SPAG16: variants seen among roughly 807,000 people sequenced by gnomAD.
The protein encoded by SPAG16 is sperm associated antigen 16, also known as sperm-associated antigen 16 protein.
SPAG16 carries 86 observed loss-of-function variants against 80.4 expected under a neutral mutation model. That is an observed-to-expected ratio of 1.07 (90% CI 0.90 to 1.28). The LOEUF (loss-of-function observed/expected upper bound fraction) is 1.28. Ranked by LOEUF, SPAG16 falls within the 50% of genes most tolerant of loss-of-function variation. The pLI, the probability that SPAG16 is intolerant of heterozygous loss-of-function variation, is 0.00. For missense variants in SPAG16, 870 were observed against 765.3 expected (o/e 1.14, Z -1.61); for synonymous variants, 294 against 265.9 (o/e 1.11, Z -1.03).
At chr2:213,684,845 C>T (rs575185676) in intron 10 of SPAG16, among the ~76,000 whole-genome samples, 246 of 152,258 alleles carry the variant, frequency 1.6e-3, no homozygotes, top group African/African-American at 5.6e-3. Flanking sequence ...CATTATGTAT[C>T]CTCACGGATT....
chr2:214,108,237 C>A lies in SPAG16; in HGVS notation c.1569C>A (p.Ile523=), dbSNP rs754199757. Residue 523 remains isoleucine (I), a synonymous_variant, in exon 14 of 16, where the codon ATC becomes ATA. Transcript: ENST00000331683. ...CACTTTATGGTCACATGCATTCTAT[C>A]AATGATGCCATTTTTGATCCCAGGG... is the stretch of plus-strand genomic sequence containing the variant. ...EQSLYGHMHS[I]NDAIFDPRGH... 1.2e-6 allele frequency: 2 copies of A among 1,601,466 alleles called. No individual in the cohort carries two copies. Among genetic ancestry groups the A allele is most frequent in the Admixed American group, 1.7e-5 (1 of 59,760 alleles).
Position 213,831,581 on chromosome 2 carries a change from C to A in SPAG16, c.1071-30904C>A, listed in dbSNP as rs557198057. ...TTTGTTTGCTTGTTTGTATTCAGCT[C>A]AGGAAAATTTTCTTCATTTGTGTCA... is the stretch of plus-strand genomic sequence containing the variant. On this transcript the variant is annotated intron_variant, in intron 10 of 15. Transcript: ENST00000331683. 2.0e-5 allele frequency among the ~76,000 whole-genome samples: 3 copies of A among 152,062 alleles called. No homozygotes were observed. In the East Asian group the frequency reaches 5.8e-4, roughly 29 times the overall value.
chr2:214,194,966 C>T (rs535851362), intron 15 of SPAG16, among the ~76,000 whole-genome samples: 16 of 152,060 alleles, frequency 1.1e-4, no homozygotes, highest in South Asian at 4.2e-4. Flanking sequence ...TAAAACATAG[C>T]GTGGCCCTCA....
intron 14 of SPAG16, among the ~76,000 whole-genome samples, chr2:214,142,815 C>T (rs552602244): frequency 3.3e-5 from 5 of 152,090 alleles, no homozygotes; most frequent in Admixed American, 6.6e-5. Flanking sequence ...AAATCTTACC[C>T]CAGCCATGGT....
intron 10 of SPAG16, among the ~76,000 whole-genome samples, chr2:213,552,948 G>T (rs542696077): frequency 6.6e-6 from 1 of 152,272 alleles, no homozygotes; most frequent in South Asian, 2.1e-4. Context: ...CCAGTGGTTT[G>T]CCAGGGGCTC....
chr2:214,220,718 A>C (rs976376137), intron 15 of SPAG16, among the ~76,000 whole-genome samples: 1 of 152,044 alleles, frequency 6.6e-6, no homozygotes, highest in Non-Finnish European at 1.5e-5. Flanking sequence ...GAAATAATAA[A>C]CCCCCAACAA....
chr2:214,144,299 G>C (rs2055519385), intron 14 of SPAG16, among the ~76,000 whole-genome samples: 1 of 147,884 alleles, frequency 6.8e-6, no homozygotes, highest in East Asian at 1.9e-4. Context: ...AGTATTAAAG[G>C]ATTATAAAAA....
chr2:214,338,429 T>C (rs1356146024), intron 15 of SPAG16, among the ~76,000 whole-genome samples: 1 of 151,970 alleles, frequency 6.6e-6, no homozygotes, highest in Non-Finnish European at 1.5e-5. Context: ...CAAAGAATCA[T>C]TTGAACCTGA....
intron 9 of SPAG16, among the ~76,000 whole-genome samples, chr2:213,486,942 C>T (rs1416615442): frequency 3.9e-5 from 6 of 152,064 alleles, no homozygotes; most frequent in African/African-American, 9.7e-5. Context: ...AGGTGACTAA[C>T]GTGATGAATG....
intron 15 of SPAG16, among the ~76,000 whole-genome samples, chr2:214,250,892 A>G (rs1237745582): frequency 6.6e-6 from 1 of 150,664 alleles, no homozygotes; most frequent in Non-Finnish European, 1.5e-5. Context: ...GATTTTGATT[A>G]TTTTGATGGT....
intron 9 of SPAG16, among the ~76,000 whole-genome samples, chr2:213,451,857 A>G (rs1222918295): frequency 1.3e-5 from 2 of 152,020 alleles, no homozygotes; most frequent in African/African-American, 4.8e-5. Context: ...AGCATGCTAA[A>G]AGGGAGGGAG....
chr2:213,396,721 C>T (rs781410997), intron 9 of SPAG16: 1 of 444,472 alleles, frequency 2.2e-6, no homozygotes, highest in South Asian at 1.6e-5. Flanking sequence ...CATTTGTCAG[C>T]AGGAGCCAAA....
intron 10 of SPAG16, among the ~76,000 whole-genome samples, chr2:213,743,889 C>T (rs180907249): frequency 1.3e-5 from 2 of 152,242 alleles, no homozygotes; most frequent in East Asian, 3.9e-4. Context: ...TCAATCTGTT[C>T]TTCATGTATT....
At chr2:213,431,739 G>C (rs1292516579) in intron 9 of SPAG16, among the ~76,000 whole-genome samples, 1 of 151,970 alleles carries the variant, frequency 6.6e-6, no homozygotes, top group Non-Finnish European at 1.5e-5. Flanking sequence ...TGAAACTTTA[G>C]ACCAAATGGA....
At chr2:213,625,226 C>T (rs2061921228) in intron 10 of SPAG16, among the ~76,000 whole-genome samples, 1 of 152,154 alleles carries the variant, frequency 6.6e-6, no homozygotes, top group African/African-American at 2.4e-5. Context: ...AATCAGCTCA[C>T]AGTTCTGTGA....
intron 10 of SPAG16, among the ~76,000 whole-genome samples, chr2:213,562,412 T>C (rs941942898): frequency 6.6e-6 from 1 of 152,232 alleles, no homozygotes; most frequent in African/African-American, 2.4e-5. Context: ...AACTCCTCTT[T>C]TTCTGGAAAA....
At chr2:214,061,657 G>A (rs984841460) in intron 13 of SPAG16, among the ~76,000 whole-genome samples, 1 of 152,076 alleles carries the variant, frequency 6.6e-6, no homozygotes, top group Non-Finnish European at 1.5e-5. Context: ...GCTACTGATT[G>A]CATCTAAAAT....
intron 10 of SPAG16, among the ~76,000 whole-genome samples, chr2:213,610,034 C>T (rs1283009055): frequency 6.6e-6 from 1 of 152,098 alleles, no homozygotes; most frequent in Non-Finnish European, 1.5e-5. Context: ...CTGTCACTCT[C>T]CTACTGTTGT....
At chr2:214,226,161 C>G (rs1289937463) in intron 15 of SPAG16, among the ~76,000 whole-genome samples, 1 of 152,120 alleles carries the variant, frequency 6.6e-6, no homozygotes, top group Non-Finnish European at 1.5e-5. Context: ...TGGATCTCAG[C>G]TCTGCTTCTT....
Sources: allele counts gnomAD v4.1 joint callset (sites outside exome capture counted in the v4.1 genomes callset), GRCh38; gene constraint gnomAD v4.1.1; transcripts MANE v1.5; gene names NCBI Gene and HGNC (gene_info 2026-07-23, HGNC 2026-07-21).